Variants in DIAPH2 observed in about 807,000 individuals in gnomAD.
DIAPH2 encodes diaphanous related formin 2.
Under a neutral mutation model 92.7 loss-of-function variants are expected in DIAPH2, and 35 were observed. The ratio of observed to expected loss-of-function variants is 0.38; its 90% CI spans 0.29 to 0.50. The LOEUF (loss-of-function observed/expected upper bound fraction) is 0.50. Among genes scored for constraint, DIAPH2 ranks in the 20% least tolerant of loss-of-function variants. The probability of loss-of-function intolerance (pLI) is 0.94; values close to 1 mark genes in which losing one functional copy is unlikely to be tolerated. For missense variants in DIAPH2, 701 were observed against 819.5 expected (o/e 0.86, Z 1.77); for synonymous variants, 301 against 280.4 (o/e 1.07, Z -0.73).
chrX:96,929,670 GTAATAT>G (rs1007183886), intron 9 of DIAPH2, among the ~76,000 whole-genome samples: 20 of 110,842 alleles, frequency 1.8e-4, no homozygotes, highest in African/African-American at 6.2e-4. Context: ...TTGTCTTTCG[GTAATAT>G]ATTTTTCCCA....
intron 22 of DIAPH2, among the ~76,000 whole-genome samples, chrX:97,243,016 G>C (rs1476793583): frequency 9.3e-6 from 1 of 107,390 alleles, no homozygotes; most frequent in Non-Finnish European, 1.9e-5. Context: ...TCGATCTCCT[G>C]ACCTCGTGAT....
chrX:97,279,719 A>C (rs1032518185), intron 23 of DIAPH2, among the ~76,000 whole-genome samples: 4 of 111,637 alleles, frequency 3.6e-5, no homozygotes, highest in African/African-American at 1.3e-4. Context: ...CCCTTACCAC[A>C]CCAGATTTAA....
At chrX:97,475,528 A>G (rs1001738938) in intron 26 of DIAPH2, among the ~76,000 whole-genome samples, 2 of 112,037 alleles carry the variant, frequency 1.8e-5, no homozygotes, top group Admixed American at 9.5e-5. Flanking sequence ...TCAGAGAGAT[A>G]ATTCTAATGA....
intron 22 of DIAPH2, among the ~76,000 whole-genome samples, chrX:97,187,281 C>CTTTGTTTTTTTTTT (rs2067613415): frequency 2.7e-5 from 1 of 36,889 alleles, no homozygotes; most frequent in Non-Finnish European, 4.4e-5. Context: ...ATTAAGTAGC[C>CTTTGTTTTTTTTTT]TTTTTTTTTT....
chrX:96,694,923 C>G (rs372376546), intron 1 of DIAPH2, among the ~76,000 whole-genome samples: 2 of 109,531 alleles, frequency 1.8e-5, no homozygotes, highest in African/African-American at 6.7e-5. Flanking sequence ...TCCCCACCCC[C>G]ACTTTGGTTG....
Position 97,363,456 on chromosome X carries a change from A to G in DIAPH2, c.3009+15176A>G, listed in dbSNP as rs377287065. ...CGGGTCACTTTAGGCCAGGAGTTCG[A>G]GACCAGCCTGGCCAACATGGCAAAA... On this transcript the variant is annotated intron_variant, in intron 24 of 26. Coordinates refer to ENST00000324765, the MANE Select transcript of DIAPH2 (RefSeq NM_006729.5). Among the ~76,000 whole-genome samples, 8 of 108,424 alleles carry G rather than the reference A, an allele frequency of 7.4e-5. No homozygotes were observed. The East Asian group carries it at 2.3e-3, about 31-fold the overall frequency. 94.2% of individuals were successfully genotyped at this position (108,424 alleles called of 115,157 possible).
intron 4 of DIAPH2, among the ~76,000 whole-genome samples, chrX:96,815,913 C>A (rs1297314849): frequency 3.6e-5 from 4 of 111,217 alleles, no homozygotes; most frequent in African/African-American, 1.3e-4. Flanking sequence ...TCAGGCAATG[C>A]GCCCACCTTG....
At chrX:97,516,111 G>T (rs539237476) in intron 26 of DIAPH2, among the ~76,000 whole-genome samples, 155 of 110,513 alleles carry the variant, frequency 1.4e-3, no homozygotes, top group Middle Eastern at 4.7e-3. Context: ...AATTAGCTGG[G>T]TGTGGTGGCA....
At chrX:97,044,105 T>G (rs778205383) in intron 17 of DIAPH2, among the ~76,000 whole-genome samples, 11 of 112,485 alleles carry the variant, frequency 9.8e-5, no homozygotes, top group Admixed American at 3.7e-4. Context: ...TAACAGGTTT[T>G]TTGTTTGAGC....
chrX:97,335,829 C>A (rs181806917), intron 23 of DIAPH2, among the ~76,000 whole-genome samples: 1 of 111,512 alleles, frequency 9.0e-6, no homozygotes, highest in African/African-American at 3.3e-5. Flanking sequence ...ATTTTTTATA[C>A]CTTAAGCAAA....
chrX:96,986,637 C>T (rs1016193484), intron 17 of DIAPH2, among the ~76,000 whole-genome samples: 2 of 111,364 alleles, frequency 1.8e-5, no homozygotes, highest in East Asian at 2.8e-4. Flanking sequence ...TTCATATTTA[C>T]ATAACAGAAA....
intron 25 of DIAPH2, among the ~76,000 whole-genome samples, chrX:97,396,897 T>G (rs2069709840): frequency 8.9e-6 from 1 of 111,882 alleles, no homozygotes. Context: ...TGTTGCTTCA[T>G]GTAGTCCCAT....
intron 1 of DIAPH2, among the ~76,000 whole-genome samples, chrX:96,722,227 G>A (rs1216993922): frequency 2.7e-5 from 3 of 110,233 alleles, no homozygotes; most frequent in Non-Finnish European, 3.8e-5. Context: ...CGTGGTGGTG[G>A]GCGCCTGTGA....
At chrX:97,344,818 A>G (rs1051172712) in intron 23 of DIAPH2, among the ~76,000 whole-genome samples, 3 of 112,493 alleles carry the variant, frequency 2.7e-5, no homozygotes, top group African/African-American at 9.7e-5. Context: ...TAAATGGGGA[A>G]CATACAAATT....
Position 96,746,884 on chromosome X carries a change from C to T in DIAPH2, c.342+8122C>T, listed in dbSNP as rs190928545. 4.0e-4 allele frequency among the ~76,000 whole-genome samples: 45 copies of T among 111,784 alleles called. 1 individual carries two copies. The highest frequency in any genetic ancestry group is 1.4e-3 in the African/African-American group (43 of 30,758). ...TGACTGAACTAAAGCGGTTCATATT[C>T]GTAACTCTTCTCATATTGATCAGAA... is the stretch of plus-strand genomic sequence containing the variant. On this transcript the variant is annotated intron_variant, in intron 3 of 26. Coordinates refer to ENST00000324765, the MANE Select transcript of DIAPH2 (RefSeq NM_006729.5).
In DIAPH2 at chrX:96,729,626, A is replaced by G. The variant is rs148878565; in HGVS notation, c.133-6132A>G. ...AGTAACATAGACTTCTGCTTTGTGA[A>G]GAAAACTGAAACCCTATACTGTGAT... On this transcript the variant is annotated intron_variant, in intron 1 of 26. Transcript: ENST00000324765. 1.5e-4 allele frequency among the ~76,000 whole-genome samples: 17 copies of G among 112,353 alleles called. No homozygotes were observed. In the East Asian group the frequency reaches 4.5e-3, roughly 29 times the overall value.
At chrX:97,144,895 G>C (rs1039720479) in intron 22 of DIAPH2, among the ~76,000 whole-genome samples, 1 of 111,761 alleles carries the variant, frequency 8.9e-6, no homozygotes, top group Non-Finnish European at 1.9e-5. Context: ...CTCCCAAGTA[G>C]CTGGGATTAC....
At chrX:97,139,078 A>G (rs2067192304) in intron 21 of DIAPH2, among the ~76,000 whole-genome samples, 1 of 110,934 alleles carries the variant, frequency 9.0e-6, no homozygotes, top group African/African-American at 3.3e-5. Context: ...CTCTTGTTCT[A>G]CCCCAAGAGA....
chrX:97,107,094 T>C (rs987794432), intron 20 of DIAPH2, among the ~76,000 whole-genome samples: 4 of 112,475 alleles, frequency 3.6e-5, no homozygotes, highest in Non-Finnish European at 5.6e-5. Context: ...GACAAGTGAA[T>C]GGTTGTTGAT....
Sources: gnomAD v4.1 joint callset for allele counts (sites outside exome capture counted in the v4.1 genomes callset) on GRCh38, gnomAD v4.1.1 for gene constraint, MANE v1.5 for transcripts, NCBI Gene and HGNC (gene_info 2026-07-23, HGNC 2026-07-21) for gene names.